CORO1A: variants seen among roughly 807,000 people sequenced by gnomAD.
The protein encoded by CORO1A is coronin-1A.
In CORO1A, 17 loss-of-function variants were observed where a neutral mutation model predicts 44.1. The observed-to-expected ratio is 0.39, with a 90% CI of 0.26 to 0.58. CORO1A has a LOEUF of 0.58. Ranked by LOEUF, CORO1A falls within the 20% of genes least tolerant of loss-of-function variation. The pLI is 0.62. For missense variants in CORO1A, 415 were observed against 606.5 expected (o/e 0.68, Z 3.32); for synonymous variants, 271 against 244.2 (o/e 1.11, Z -1.02).
Position 30,188,306 on chromosome 16 carries a change from G to A in CORO1A, c.1066-55G>A. On this transcript the variant is annotated intron_variant, in intron 9 of 10. Transcript: ENST00000219150. Reference sequence around the variant, plus strand: ...GGCTGGGCACTGACTTTGCGGTCTTGTGGGGGGTGTCCTGGCATAAGCGCT... The same window carrying A: ...GGCTGGGCACTGACTTTGCGGTCTTATGGGGGGTGTCCTGGCATAAGCGCT... 3.1e-6 allele frequency: 5 copies of A among 1,612,516 alleles called. No individual in the cohort carries two copies. The South Asian group carries it at 3.3e-5, about 11-fold the overall frequency.
Position 30,188,021 on chromosome 16 carries a change from A to G in CORO1A, c.941A>G (p.Glu314Gly), listed in dbSNP as rs1384876458. The change falls in exon 8 of 11, where the codon GAG becomes GGG. Residue 314 changes from glutamate to glycine, a missense_variant. Coordinates refer to ENST00000219150, the MANE Select transcript of CORO1A (RefSeq NM_007074.4). The part of the protein sequence containing the change: ...LHYLSMFSSK[E>G]SQRGMGYMPK... ...TATCTCTCCATGTTCAGTTCCAAGG[A>G]GTCCCAGCGGGGCATGGGCTACATG... 1 of 1,614,022 alleles carries G rather than the reference A, an allele frequency of 6.2e-7. No homozygotes were observed. The highest frequency in any genetic ancestry group is 1.7e-5 in the Admixed American group (1 of 60,008).
At position 30,186,932 on chromosome 16, in the gene CORO1A, G is replaced by GCTGCT; in HGVS notation, c.440_444dup (p.Ser149CysfsTer9). 1 of 1,612,826 alleles carries GCTGCT rather than the reference G, an allele frequency of 6.2e-7. No homozygotes were observed. Among genetic ancestry groups the GCTGCT allele is most frequent in the Non-Finnish European group, 8.5e-7 (1 of 1,179,992 alleles). Reference sequence around the variant, plus strand: ...CCTGGCACACCACAGCCCAGAACGTGCTGCTCAGTGCAGGTGCTGCGGGAG... The same window carrying GCTGCT: ...CCTGGCACACCACAGCCCAGAACGTGCTGCTCTGCTCAGTGCAGGTGCTGCGGGAG... On this transcript the variant is annotated frameshift_variant, in exon 4 of 11. Coordinates refer to ENST00000219150, the MANE Select transcript of CORO1A (RefSeq NM_007074.4). LOFTEE classifies it high-confidence loss of function.
At position 30,187,239 on chromosome 16, in the gene CORO1A, C is replaced by T. The variant is rs771687134; in HGVS notation, c.636+16C>T. Reference sequence around the variant, plus strand: ...TGTCGTAGCTGTGAGTCGCCATCTACCCTGACCTTTGACCCTACAGCCTTT... The same window carrying T: ...TGTCGTAGCTGTGAGTCGCCATCTATCCTGACCTTTGACCCTACAGCCTTT... On this transcript the variant is annotated intron_variant, in intron 5 of 10. Transcript: ENST00000219150. 1 of 1,609,920 alleles carries T rather than the reference C, an allele frequency of 6.2e-7. No individual in the cohort carries two copies. The highest frequency in any genetic ancestry group is 1.1e-5 in the South Asian group (1 of 91,088).
At chr16:30,186,759 T>A (rs770995728) in intron 3 of CORO1A, 39 bp downstream of exon 3, 2 of 1,609,532 alleles carry the variant, frequency 1.2e-6, no homozygotes, top group Non-Finnish European at 8.5e-7. Context: ...GGAGAGGGGC[T>A]CTAGGATGGG....
chr16:30,187,855 T>TA, intron 7 of CORO1A, 26 bp downstream of exon 7: 1 of 110,906 alleles, frequency 9.0e-6, no homozygotes, highest in Non-Finnish European at 1.5e-5. Context: ...GGGGTGGGGG[T>TA]GGGAGGTGGG....
chr16:30,185,035 G>C, intron 1 of CORO1A, 174 bp from the exon 2 acceptor site: 1 of 689,686 alleles, frequency 1.4e-6, no homozygotes, highest in Non-Finnish European at 2.6e-6. Flanking sequence ...TAGAGGGAAG[G>C]AGAGGCTGGG....
rs2073310349 is a variant in CORO1A at position 30,184,513 on chromosome 16, A to G, written c.-1-696A>G. The G allele has an allele frequency of 6.5e-6, 1 of 154,934 alleles. No homozygotes were observed. The highest frequency in any genetic ancestry group is 2.4e-5 in the African/African-American group (1 of 41,432). The allele number at this position is 154,934 out of a possible 1,614,324, so 9.6% of individuals were successfully genotyped here. On this transcript the variant is annotated intron_variant, in intron 1 of 10. Transcript: ENST00000219150. The surrounding 1 kb of genome is among the most constrained non-coding windows in gnomAD (Gnocchi z 4.3). ...GGGGAAACCATCCTACCTGGACCTCAGAGCAGTCGGAGTGGCCTCTCCCTT... is the reference window on the plus strand; with the variant it reads ...GGGGAAACCATCCTACCTGGACCTCGGAGCAGTCGGAGTGGCCTCTCCCTT...
chr16:30,185,849 C>A (rs980399667), intron 2 of CORO1A: 2 of 240,152 alleles, frequency 8.3e-6, no homozygotes, highest in South Asian at 5.2e-5. Flanking sequence ...TGCTCTCCCC[C>A]ACCCGCAGCC....
At position 30,187,447 on chromosome 16, in the gene CORO1A, C is replaced by A. The variant is rs1302794545; in HGVS notation, c.702C>A (p.Ile234=). The change falls in exon 6 of 11, where the codon ATC becomes ATA. Residue 234 remains isoleucine, a synonymous_variant. Transcript: ENST00000219150. ...CAGTGTTCGTGTCGGAGGGGAAGAT[C>A]CTGACCACGGGCTTCAGCCGCATGA... ...VRAVFVSEGK[I]LTTGFSRMSE... The A allele has an allele frequency of 6.2e-7, 1 of 1,610,156 alleles. No individual in the cohort carries two copies. Among genetic ancestry groups the A allele is most frequent in the Non-Finnish European group, 8.5e-7 (1 of 1,180,016 alleles).
At chr16:30,187,596 T>TG (rs1290770715) in intron 6 of CORO1A, 95 bp downstream of exon 6, 1 of 1,526,096 alleles carries the variant, frequency 6.6e-7, no homozygotes, top group Admixed American at 1.9e-5. Flanking sequence ...AGGATGGCCA[T>TG]GGGCCTCAGT....
At chr16:30,188,307 TG>T (rs1344394914) in intron 9 of CORO1A, 53 bp from the exon 10 acceptor site, 1 of 1,612,054 alleles carries the variant, frequency 6.2e-7, no homozygotes, top group Non-Finnish European at 8.5e-7. Context: ...TGCGGTCTTG[TG>T]GGGGGTGTCC....
chr16:30,185,397 C>T lies in CORO1A; in HGVS notation c.188C>T (p.Pro63Leu). The T allele has an allele frequency of 6.2e-7, 1 of 1,613,520 alleles. No homozygotes were observed. The highest frequency in any genetic ancestry group is 8.5e-7 in the Non-Finnish European group (1 of 1,179,986). ...ASGGGAFLVL[P>L]LGKTGRVDKN... ...GGGGGAGGGGCCTTCCTGGTGCTGC[C>T]CCTGGGCAAGGTGAGCCCCTGGGGC... The change falls in exon 2 of 11, where the codon CCC (proline) becomes CTC (leucine). Residue 63 changes from proline (P) to leucine (L), a missense_variant. Coordinates refer to ENST00000219150, the MANE Select transcript of CORO1A (RefSeq NM_007074.4).
intron 1 of CORO1A, 57 bp from the exon 2 acceptor site, chr16:30,185,152 A>T: frequency 6.4e-7 from 1 of 1,561,464 alleles, no homozygotes; most frequent in African/African-American, 1.4e-5. Context: ...GGTGGGGACC[A>T]CTGGAAGATC....
chr16:30,183,639 TC>T lies in CORO1A; in HGVS notation c.-84del. 6.5e-6 allele frequency: 1 copy of T among 154,708 alleles called. No homozygotes were observed. The highest frequency in any genetic ancestry group is 1.4e-5 in the Non-Finnish European group (1 of 69,988). The allele number at this position is 154,708 out of a possible 1,614,324, so 9.6% of individuals were successfully genotyped here. A position where few individuals can be genotyped will look rare whatever the true frequency, so the allele number is the denominator to read the frequency against. On this transcript the variant is annotated 5_prime_UTR_variant, in exon 1 of 11. Transcript: ENST00000219150. The surrounding 1 kb of genome is among the most constrained non-coding windows in gnomAD (Gnocchi z 5.0). ...GACAAGAGCATCTTCAGCGGGCGAG[TC>T]CCCGGCTCCTCCAGCTCCTTCCTCC...
At chr16:30,187,702 T>C (rs2073358451) in intron 6 of CORO1A, 23 bp from the exon 7 acceptor site, 1 of 1,572,512 alleles carries the variant, frequency 6.4e-7, no homozygotes, top group East Asian at 2.2e-5. Context: ...GCCTGGGATG[T>C]TACCTCTCAC....
Position 30,185,532 on chromosome 16 carries a change from G to A in CORO1A, c.198+125G>A, listed in dbSNP as rs980070281. 3 of 800,636 alleles carry A rather than the reference G, an allele frequency of 3.7e-6. No homozygotes were observed. In the African/African-American group the frequency reaches 5.2e-5, roughly 14 times the overall value. The allele number at this position is 800,636 out of a possible 1,614,324, so 49.6% of individuals were successfully genotyped here. On this transcript the variant is annotated intron_variant, in intron 2 of 10. Coordinates refer to ENST00000219150, the MANE Select transcript of CORO1A (RefSeq NM_007074.4). ...TGTTGCCATCTGGAAAACTGAGCTGGGCCCCATGAGCCTTACACTTCCTCC... is the reference window on the plus strand; with the variant it reads ...TGTTGCCATCTGGAAAACTGAGCTGAGCCCCATGAGCCTTACACTTCCTCC...
chr16:30,187,302 T>C, intron 5 of CORO1A, 79 bp downstream of exon 5: 1 of 1,604,940 alleles, frequency 6.2e-7, no homozygotes, highest in South Asian at 1.1e-5. Flanking sequence ...CCTTGGATGC[T>C]GCCCTCCCTC....
rs566260573 is a variant in CORO1A, at chr16:30,186,841, T to C, written c.347T>C (p.Leu116Pro). The C allele has an allele frequency of 1.3e-4, 210 of 1,611,242 alleles. No individual in the cohort carries two copies. Among genetic ancestry groups the C allele is most frequent in the Admixed American group, 6.8e-4 (41 of 60,004 alleles). ...GTGTGGGAGATCCCAGATGGGGGCCTGATGCTGCCCCTGCGGGAGCCCGTC... is the reference window on the plus strand; with the variant it reads ...GTGTGGGAGATCCCAGATGGGGGCCCGATGCTGCCCCTGCGGGAGCCCGTC... Reference protein sequence around the residue: ...VMVWEIPDGGLMLPLREPVVT... With the variant: ...VMVWEIPDGGPMLPLREPVVT... Residue 116 changes from leucine (L) to proline (P), a missense_variant, in exon 4 of 11, where the codon CTG becomes CCG. This residue lies in a region of CORO1A where 325 missense variants were observed against 521.7 expected (regional missense o/e 0.62). Coordinates refer to ENST00000219150, the MANE Select transcript of CORO1A (RefSeq NM_007074.4).
At chr16:30,188,126 G>A (rs1241617997) in intron 8 of CORO1A, 39 bp downstream of exon 8, 1 of 1,613,838 alleles carries the variant, frequency 6.2e-7, no homozygotes, top group Non-Finnish European at 8.5e-7. Flanking sequence ...ATGCTCCTTG[G>A]GCAGTGGGCA....
Sources: gnomAD v4.1 joint callset for allele counts on GRCh38, gnomAD v4.1.1 for gene constraint, gnomAD v4.1.1 regional missense constraint, Gnocchi (gnomAD v3.1) non-coding constraint, MANE v1.5 for transcripts, NCBI Gene and HGNC (gene_info 2026-07-23, HGNC 2026-07-21) for gene names.